ARHGAP5: variants seen among roughly 807,000 people sequenced by gnomAD.
The protein encoded by ARHGAP5 is Rho GTPase activating protein 5, also known as rho GTPase-activating protein 5.
Under a neutral mutation model 116.6 loss-of-function variants are expected in ARHGAP5, and 23 were observed. The observed-to-expected ratio is 0.20, with a 90% CI of 0.14 to 0.28. ARHGAP5 has a LOEUF of 0.28. Among genes scored for constraint, ARHGAP5 ranks in the 10% least tolerant of loss-of-function variants. The pLI, the probability that ARHGAP5 is intolerant of heterozygous loss-of-function variation, is 1.00. For missense variants in ARHGAP5, 1,405 were observed against 1,774.8 expected (o/e 0.79, Z 3.74); for synonymous variants, 574 against 602.0 (o/e 0.95, Z 0.68).
chr14:32,150,490 G>A (rs1168908552), intron 5 of ARHGAP5, among the ~76,000 whole-genome samples: 1 of 152,110 alleles, frequency 6.6e-6, no homozygotes, highest in African/African-American at 2.4e-5. Context: ...GGGTCAAGGA[G>A]GCCTCATCAG....
chr14:32,150,559 C>T (rs1226718061), intron 5 of ARHGAP5, among the ~76,000 whole-genome samples: 3 of 152,176 alleles, frequency 2.0e-5, no homozygotes, highest in Non-Finnish European at 4.4e-5. Flanking sequence ...AGAGAGCACA[C>T]TCAGAGAGTA....
At position 32,156,666 on chromosome 14, in the gene ARHGAP5, C is replaced by T. The variant is rs1254162503; in HGVS notation, c.*1718C>T. The T allele has an allele frequency of 1.3e-5, 2 of 152,076 alleles. No homozygotes were observed. The highest frequency in any genetic ancestry group is 4.8e-5 in the African/African-American group (2 of 41,352). 9.4% of individuals were successfully genotyped at this position (152,076 alleles called of 1,614,324 possible). On this transcript the variant is annotated 3_prime_UTR_variant, in exon 7 of 7. Coordinates refer to ENST00000345122, the MANE Select transcript of ARHGAP5 (RefSeq NM_001030055.2). ...ATCCGGTAAATGTAGTATTCTTAAC[C>T]TGTTCTATATTACTTATACCTATTG...
chr14:32,083,278 AT>A (rs999098087), intron 1 of ARHGAP5, among the ~76,000 whole-genome samples: 1 of 152,256 alleles, frequency 6.6e-6, no homozygotes, highest in African/African-American at 2.4e-5. Flanking sequence ...TTAAAAGAAT[AT>A]TTTGTGATAT....
chr14:32,149,034 A>AG (rs1881519995), intron 4 of ARHGAP5, among the ~76,000 whole-genome samples: 1 of 152,148 alleles, frequency 6.6e-6, no homozygotes, highest in Non-Finnish European at 1.5e-5. Context: ...GCCCAGAAGT[A>AG]TTTTGGATTT....
chr14:32,128,186 C>T (rs1166507490), intron 3 of ARHGAP5, among the ~76,000 whole-genome samples: 1 of 151,442 alleles, frequency 6.6e-6, no homozygotes, highest in Non-Finnish European at 1.5e-5. Context: ...AGAGGCGCTC[C>T]TCACTTCCCA....
intron 2 of ARHGAP5, among the ~76,000 whole-genome samples, chr14:32,105,992 A>G (rs1878998900): frequency 6.6e-6 from 1 of 152,240 alleles, no homozygotes; most frequent in Non-Finnish European, 1.5e-5. Flanking sequence ...TAATATGGAT[A>G]CATCAGTGTT....
intron 1 of ARHGAP5, among the ~76,000 whole-genome samples, chr14:32,088,673 G>A (rs1015036045): frequency 6.6e-6 from 1 of 151,934 alleles, no homozygotes; most frequent in Non-Finnish European, 1.5e-5. Flanking sequence ...AGGATTGAAC[G>A]GGACTGCCCT....
intron 3 of ARHGAP5, among the ~76,000 whole-genome samples, chr14:32,135,459 G>C (rs985000263): frequency 1.3e-5 from 2 of 152,192 alleles, no homozygotes; most frequent in African/African-American, 4.8e-5. Context: ...GTCTCCCTCT[G>C]TTGCCCAGGC....
chr14:32,118,480 G>C (rs1010582642), intron 3 of ARHGAP5, among the ~76,000 whole-genome samples: 8 of 151,818 alleles, frequency 5.3e-5, no homozygotes, highest in African/African-American at 1.4e-4. Context: ...CCTGGTGACA[G>C]AGTGAGACTC....
At chr14:32,131,729 C>T (rs994662936) in intron 3 of ARHGAP5, among the ~76,000 whole-genome samples, 23 of 152,146 alleles carry the variant, frequency 1.5e-4, no homozygotes, top group Admixed American at 9.2e-4. Flanking sequence ...TGCTATCCCT[C>T]CCCACTCCCC....
chr14:32,103,603 T>G lies in ARHGAP5; in HGVS notation c.3717+9217T>G, dbSNP rs149776513. ...ATTGTGTTCTTATGTTAATGGACAG[T>G]TGTTACTATTGCAAGACTATAGGTA... On this transcript the variant is annotated intron_variant, in intron 2 of 6. Coordinates refer to ENST00000345122, the MANE Select transcript of ARHGAP5 (RefSeq NM_001030055.2). 3.6e-3 allele frequency among the ~76,000 whole-genome samples: 544 copies of G among 152,274 alleles called. 4 individuals carry two copies. Among genetic ancestry groups the G allele is most frequent in the African/African-American group, 0.013 (520 of 41,554 alleles).
At chr14:32,081,542 CCTT>C (rs1466340405) in intron 1 of ARHGAP5, among the ~76,000 whole-genome samples, 4 of 140,372 alleles carry the variant, frequency 2.8e-5, no homozygotes, top group African/African-American at 8.3e-5. Flanking sequence ...GAGCAAGACT[CCTT>C]CTCAAAAAAA....
At chr14:32,116,882 C>T (rs1357244909) in intron 2 of ARHGAP5, among the ~76,000 whole-genome samples, 1 of 152,156 alleles carries the variant, frequency 6.6e-6, no homozygotes, top group Non-Finnish European at 1.5e-5. Flanking sequence ...ATTTTCTATT[C>T]TCTCCTGACC....
At chr14:32,141,270 ATC>A (rs1196214872) in intron 3 of ARHGAP5, among the ~76,000 whole-genome samples, 3 of 152,058 alleles carry the variant, frequency 2.0e-5, no homozygotes, top group African/African-American at 7.2e-5. Flanking sequence ...CATTCTACTA[ATC>A]TCTGTCTTAA....
At chr14:32,110,573 A>G (rs1228612075) in intron 2 of ARHGAP5, among the ~76,000 whole-genome samples, 1 of 152,170 alleles carries the variant, frequency 6.6e-6, no homozygotes, top group Admixed American at 6.5e-5. Context: ...GAAGGCGTAA[A>G]TGATGAGGGA....
In ARHGAP5 at chr14:32,131,979, T is replaced by C. The variant is rs113741932; in HGVS notation, c.3866-14284T>C. ...TGTGCCACATTTTCTTAATCCAGTCTGTCCTTGTTGGACATTTAGGTTGGT... is the reference window on the plus strand; with the variant it reads ...TGTGCCACATTTTCTTAATCCAGTCCGTCCTTGTTGGACATTTAGGTTGGT... On this transcript the variant is annotated intron_variant, in intron 3 of 6. Transcript: ENST00000345122. Among the ~76,000 whole-genome samples the C allele has an allele frequency of 2.8e-3, 429 of 152,380 alleles. 2 individuals are homozygous for C. The highest frequency in any genetic ancestry group is 9.6e-3 in the African/African-American group (401 of 41,588).
intron 3 of ARHGAP5, among the ~76,000 whole-genome samples, chr14:32,137,121 G>A (rs995493991): frequency 6.6e-6 from 1 of 151,442 alleles, no homozygotes; most frequent in Non-Finnish European, 1.5e-5. Context: ...TGTTGCTCAT[G>A]CTGTTGGTAT....
rs1199303640 is a variant in ARHGAP5 at position 32,159,096 on chromosome 14, A to G, written c.*4148A>G. ...CTTTTGTGGAAATTCTGTAGGCAGT[A>G]TGATTTTGAAAAGCTAACCAATGAT... is the stretch of plus-strand genomic sequence containing the variant. On this transcript the variant is annotated 3_prime_UTR_variant, in exon 7 of 7. Coordinates refer to ENST00000345122, the MANE Select transcript of ARHGAP5 (RefSeq NM_001030055.2). 1 of 152,166 alleles carries G rather than the reference A, an allele frequency of 6.6e-6. No individual in the cohort carries two copies. The highest frequency in any genetic ancestry group is 1.5e-5 in the Non-Finnish European group (1 of 67,998). 9.4% of individuals were successfully genotyped at this position (152,166 alleles called of 1,614,324 possible). A position where few individuals can be genotyped will look rare whatever the true frequency, so the allele number is the denominator to read the frequency against.
chr14:32,112,120 T>C (rs139590284), intron 2 of ARHGAP5, among the ~76,000 whole-genome samples: 56 of 152,192 alleles, frequency 3.7e-4, no homozygotes, highest in Non-Finnish European at 3.4e-4. Flanking sequence ...CCTGGCCTCT[T>C]TGATTTTTTT....
Sources: gnomAD v4.1 joint callset for allele counts (sites outside exome capture counted in the v4.1 genomes callset) on GRCh38, gnomAD v4.1.1 for gene constraint, MANE v1.5 for transcripts, NCBI Gene and HGNC (gene_info 2026-07-23, HGNC 2026-07-21) for gene names.